RBM47: variants seen among roughly 807,000 people sequenced by gnomAD.
The protein encoded by RBM47 is RNA-binding protein 47.
RBM47 carries 21 observed loss-of-function variants against 47.1 expected under a neutral mutation model. That is an observed-to-expected ratio of 0.45 (90% confidence interval 0.32 to 0.64). RBM47 has a LOEUF of 0.64. Among genes scored for constraint, RBM47 ranks in the 30% least tolerant of loss-of-function variants. The pLI, the probability that RBM47 is intolerant of heterozygous loss-of-function variation, is 0.05. For synonymous variants in RBM47, 375 were observed against 361.7 expected (o/e 1.04, Z -0.42); for missense variants, 708 against 870.9 (o/e 0.81, Z 2.35).
At chr4:40,483,885 C>CT (rs1285304233) in intron 2 of RBM47, among the ~76,000 whole-genome samples, 1 of 152,108 alleles carries the variant, frequency 6.6e-6, no homozygotes, top group South Asian at 2.1e-4. Context: ...AATGTTTATT[C>CT]TTTTTACTTA....
intron 3 of RBM47, among the ~76,000 whole-genome samples, chr4:40,447,966 G>A (rs190313138): frequency 1.3e-5 from 2 of 152,246 alleles, no homozygotes; most frequent in Non-Finnish European, 2.9e-5. Context: ...AGCCGAGATC[G>A]TGCCACTGCA....
intron 1 of RBM47, among the ~76,000 whole-genome samples, chr4:40,615,942 A>G (rs1032365301): frequency 6.6e-6 from 1 of 152,196 alleles, no homozygotes; most frequent in African/African-American, 2.4e-5. Context: ...TGTTGACATG[A>G]TATTGGAGAA....
intron 2 of RBM47, among the ~76,000 whole-genome samples, chr4:40,493,625 T>C (rs278987): frequency 0.28 from 43,025 of 151,806 alleles, 6,329 homozygotes; most frequent in African/African-American, 0.34. Flanking sequence ...CTCTACCAAA[T>C]GTACAAAAAT....
intron 1 of RBM47, among the ~76,000 whole-genome samples, chr4:40,601,283 G>T (rs555283600): frequency 6.6e-6 from 1 of 152,338 alleles, no homozygotes; most frequent in Admixed American, 6.5e-5. Flanking sequence ...CAATCTCAGA[G>T]AACTATAAAT....
At chr4:40,520,166 G>C (rs1553895419) in intron 2 of RBM47, among the ~76,000 whole-genome samples, 1 of 152,036 alleles carries the variant, frequency 6.6e-6, no homozygotes, top group Non-Finnish European at 1.5e-5. Flanking sequence ...AAACCCTGTA[G>C]GTTGTATTAG....
At chr4:40,484,354 C>T (rs1233884102) in intron 2 of RBM47, among the ~76,000 whole-genome samples, 2 of 152,130 alleles carry the variant, frequency 1.3e-5, no homozygotes, top group South Asian at 2.1e-4. Context: ...CTCTCCATTT[C>T]GACCCATCAT....
intron 2 of RBM47, among the ~76,000 whole-genome samples, chr4:40,471,918 G>A (rs932854190): frequency 1.3e-5 from 2 of 152,046 alleles, no homozygotes; most frequent in African/African-American, 4.8e-5. Context: ...CACTCATCCC[G>A]AACTTCATTC....
At chr4:40,604,527 TGAG>T (rs1476422430) in intron 1 of RBM47, among the ~76,000 whole-genome samples, 1 of 152,082 alleles carries the variant, frequency 6.6e-6, no homozygotes, top group African/African-American at 2.4e-5. Flanking sequence ...CTTGGGAGGC[TGAG>T]GAGGGAGGAT....
At chr4:40,593,199 C>T (rs1254473688) in intron 1 of RBM47, among the ~76,000 whole-genome samples, 28 of 149,046 alleles carry the variant, frequency 1.9e-4, no homozygotes, top group Middle Eastern at 3.5e-3. Flanking sequence ...GGGGTTTCAC[C>T]GTGTTAGCCA....
At chr4:40,478,463 A>G (rs562777525) in intron 2 of RBM47, among the ~76,000 whole-genome samples, 1 of 152,198 alleles carries the variant, frequency 6.6e-6, no homozygotes, top group Non-Finnish European at 1.5e-5. Context: ...AGGAAAAAAA[A>G]GTACAGACGC....
intron 1 of RBM47, among the ~76,000 whole-genome samples, chr4:40,570,174 G>A (rs182662011): frequency 6.6e-6 from 1 of 152,088 alleles, no homozygotes; most frequent in East Asian, 1.9e-4. Flanking sequence ...GGTGAGAATG[G>A]TGAAGGGAGA....
intron 2 of RBM47, among the ~76,000 whole-genome samples, chr4:40,485,693 G>T (rs576593557): frequency 6.6e-6 from 1 of 152,206 alleles, no homozygotes; most frequent in African/African-American, 2.4e-5. Context: ...TGTCAGTCAT[G>T]ATTCTGGATA....
At chr4:40,602,645 TAAAAAAA>T (rs535210913) in intron 1 of RBM47, among the ~76,000 whole-genome samples, 5 of 122,836 alleles carry the variant, frequency 4.1e-5, no homozygotes, top group South Asian at 2.6e-4. Flanking sequence ...AGAATCCGTT[TAAAAAAA>T]AAAAAAAAAA....
intron 3 of RBM47, among the ~76,000 whole-genome samples, chr4:40,454,394 A>C (rs770267440): frequency 9.2e-5 from 14 of 152,226 alleles, no homozygotes; most frequent in Non-Finnish European, 1.8e-4. Flanking sequence ...GTGAGGAATA[A>C]ATGAGATAGC....
chr4:40,623,937 C>G (rs767131735), intron 1 of RBM47, among the ~76,000 whole-genome samples: 1 of 151,826 alleles, frequency 6.6e-6, no homozygotes, highest in Non-Finnish European at 1.5e-5. Context: ...CTGCTACCTC[C>G]GCCTCCCGAT....
At chr4:40,517,625 C>T (rs1466500978) in intron 2 of RBM47, among the ~76,000 whole-genome samples, 10 of 152,166 alleles carry the variant, frequency 6.6e-5, no homozygotes, top group Admixed American at 5.9e-4. Flanking sequence ...CTGTGGGTTC[C>T]GCATCCCTGA....
intron 2 of RBM47, chr4:40,516,088 A>AC (rs1309638800): frequency 6.6e-6 from 1 of 151,748 alleles, no homozygotes; most frequent in Non-Finnish European, 1.5e-5. Context: ...TGCTTTCACA[A>AC]CATTTCTCGT....
chr4:40,590,743 G>A (rs1397683762), intron 1 of RBM47, among the ~76,000 whole-genome samples: 1 of 152,228 alleles, frequency 6.6e-6, no homozygotes, highest in African/African-American at 2.4e-5. Flanking sequence ...CCATAACATG[G>A]ATGGACTGTG....
At chr4:40,545,509 C>CA (rs1360381665) in intron 1 of RBM47, among the ~76,000 whole-genome samples, 2 of 149,472 alleles carry the variant, frequency 1.3e-5, no homozygotes, top group Admixed American at 6.7e-5. Context: ...ACTAAAAATA[C>CA]AAAAATTAAC....
Sources: gnomAD v4.1 joint callset for allele counts (sites outside exome capture counted in the v4.1 genomes callset) on GRCh38, gnomAD v4.1.1 for gene constraint, MANE v1.5 for transcripts, NCBI Gene and HGNC (gene_info 2026-07-23, HGNC 2026-07-21) for gene names.